The following RIT2 variants were observed in gnomAD, a reference collection of about 807,000 sequenced individuals.
The protein encoded by RIT2 is GTP-binding protein Rit2.
A neutral mutation model predicts 23.7 loss-of-function variants in RIT2; 24 were observed. The ratio of observed to expected loss-of-function variants is 1.01; its 90% CI spans 0.73 to 1.43. The LOEUF is 1.43. Ranked by LOEUF, RIT2 falls within the 40% of genes most tolerant of loss-of-function variation. The pLI is 0.00. For synonymous variants in RIT2, 107 were observed against 91.1 expected (o/e 1.17, Z -0.99); for missense variants, 236 against 266.9 (o/e 0.88, Z 0.81).
intron 4 of RIT2, among the ~76,000 whole-genome samples, chr18:42,775,520 C>T (rs1472671323): frequency 3.3e-5 from 5 of 151,922 alleles, no homozygotes. Flanking sequence ...CATGGTGAAG[C>T]CCCGTCTCTA....
At position 43,085,249 on chromosome 18, in the gene RIT2, G is replaced by A. The variant is rs1913255022; in HGVS notation, c.103+30168C>T. On this transcript the variant is annotated intron_variant, in intron 1 of 4. Transcript: ENST00000326695. Reference sequence around the variant, plus strand: ...AAATAATAATTGTATATCTTTGTGGGGTACAATGTGATATTTTTATCTATG... The same window carrying A: ...AAATAATAATTGTATATCTTTGTGGAGTACAATGTGATATTTTTATCTATG... Among the ~76,000 whole-genome samples the A allele has an allele frequency of 4.6e-5, 7 of 151,584 alleles. No individual in the cohort carries two copies. The South Asian group carries it at 1.5e-3, about 32-fold the overall frequency.
At chr18:42,745,555 G>A (rs1415394568) in intron 4 of RIT2, among the ~76,000 whole-genome samples, 1 of 152,002 alleles carries the variant, frequency 6.6e-6, no homozygotes, top group Non-Finnish European at 1.5e-5. Flanking sequence ...AAACATGTCT[G>A]GATTATCTCT....
chr18:43,106,408 A>G (rs1913823746), intron 1 of RIT2, among the ~76,000 whole-genome samples: 1 of 152,234 alleles, frequency 6.6e-6, no homozygotes, highest in Non-Finnish European at 1.5e-5. Flanking sequence ...TTTCACATAT[A>G]CAAGAAATCT....
At chr18:42,891,878 T>C (rs950991530) in intron 4 of RIT2, among the ~76,000 whole-genome samples, 12 of 152,136 alleles carry the variant, frequency 7.9e-5, no homozygotes, top group Admixed American at 6.6e-4. Context: ...AATCCAATTA[T>C]AGGACATGGG....
intron 4 of RIT2, among the ~76,000 whole-genome samples, chr18:42,759,934 C>T (rs1412190711): frequency 1.3e-5 from 2 of 151,980 alleles, no homozygotes; most frequent in African/African-American, 4.8e-5. Flanking sequence ...TGTGCCACCA[C>T]GCATAGCAAA....
In RIT2 at chr18:43,086,005, A is replaced by T. The variant is rs137869880; in HGVS notation, c.103+29412T>A. ...CCATGTGGAATTGTGAGTCCATTAA[A>T]CCTCTTTTCCTTTATAAATTACCCA... On this transcript the variant is annotated intron_variant, in intron 1 of 4. Transcript: ENST00000326695. Among the ~76,000 whole-genome samples the T allele has an allele frequency of 4.4e-3, 662 of 151,926 alleles. 6 individuals carry two copies. Among genetic ancestry groups the T allele is most frequent in the African/African-American group, 0.014 (576 of 41,418 alleles).
At chr18:42,795,083 C>T (rs1914126897) in intron 4 of RIT2, among the ~76,000 whole-genome samples, 1 of 152,224 alleles carries the variant, frequency 6.6e-6, no homozygotes, top group Non-Finnish European at 1.5e-5. Flanking sequence ...TGACAGTGTG[C>T]TGGCAGTCCT....
Position 43,071,613 on chromosome 18 carries a change from TA to T in RIT2, c.104-37747del, listed in dbSNP as rs575054699. Among the ~76,000 whole-genome samples, 537 of 152,328 alleles carry T rather than the reference TA, an allele frequency of 3.5e-3. 3 individuals carry two copies. The highest frequency in any genetic ancestry group is 0.011 in the African/African-American group (453 of 41,574). On this transcript the variant is annotated intron_variant, in intron 1 of 4. Transcript: ENST00000326695. ...TTGTACAGATATCTCAAGGTGTTGT[TA>T]ATGATTATCAATACTTTAAAATTAC...
intron 2 of RIT2, among the ~76,000 whole-genome samples, chr18:42,988,923 T>C (rs1007736256): frequency 3.9e-5 from 6 of 152,156 alleles, no homozygotes; most frequent in Non-Finnish European, 7.3e-5. Context: ...TGAAGAGTAA[T>C]GCATGCATGG....
At chr18:43,082,917 A>G (rs2144349924) in intron 1 of RIT2, among the ~76,000 whole-genome samples, 1 of 152,244 alleles carries the variant, frequency 6.6e-6, no homozygotes, top group East Asian at 1.9e-4. Flanking sequence ...GAGTATTCAG[A>G]TAGGAAGAGA....
At position 42,743,491 on chromosome 18, in the gene RIT2, TATC is replaced by T. The variant is rs1912840800; in HGVS notation, c.653_*1del. 6 of 1,604,078 alleles carry T rather than the reference TATC, an allele frequency of 3.7e-6. No individual in the cohort carries two copies. The highest frequency in any genetic ancestry group is 4.5e-5 in the East Asian group (2 of 44,764). On this transcript the variant is annotated stop_lost and 3_prime_UTR_variant, in exon 5 of 5. Coordinates refer to ENST00000326695, the MANE Select transcript of RIT2 (RefSeq NM_002930.4). ...AGCGTGAGGAACTCAAAAGCAAAGA[TATC>T]ATGTCATATTTTCTCTCTTCTTCTT...
chr18:42,763,537 T>A (rs1426321507), intron 4 of RIT2, among the ~76,000 whole-genome samples: 3 of 151,834 alleles, frequency 2.0e-5, no homozygotes, highest in African/African-American at 7.3e-5. Context: ...GTTGCTCCCA[T>A]GAGTCAGTGA....
chr18:43,011,370 G>A (rs139344916), intron 2 of RIT2, among the ~76,000 whole-genome samples: 1,714 of 151,936 alleles, frequency 0.011, 16 homozygotes, highest in Non-Finnish European at 0.019. Flanking sequence ...GCAAAGGAGA[G>A]AGATGTCCTC....
chr18:42,859,255 G>A (rs1029282366), intron 4 of RIT2, among the ~76,000 whole-genome samples: 2 of 152,154 alleles, frequency 1.3e-5, no homozygotes, highest in African/African-American at 2.4e-5. Flanking sequence ...ATTAGTGGGT[G>A]TGAACTGATG....
Position 42,992,486 on chromosome 18 carries a change from G to A in RIT2, c.161-18339C>T, listed in dbSNP as rs545675072. ...TGTCCCCTCAGTCCCAACCCCAAGC[G>A]TTGCTGAGTCTTTCTAACCTTCCTT... On this transcript the variant is annotated intron_variant, in intron 2 of 4. Coordinates refer to ENST00000326695, the MANE Select transcript of RIT2 (RefSeq NM_002930.4). Among the ~76,000 whole-genome samples the A allele has an allele frequency of 5.3e-5, 8 of 152,016 alleles. No homozygotes were observed. In the East Asian group the frequency reaches 5.8e-4, roughly 11 times the overall value.
chr18:42,859,759 A>G (rs1907277406), intron 4 of RIT2, among the ~76,000 whole-genome samples: 1 of 151,638 alleles, frequency 6.6e-6, no homozygotes, highest in Non-Finnish European at 1.5e-5. Flanking sequence ...GAGATATTTA[A>G]CAGTAGTTCA....
Position 42,795,855 on chromosome 18 carries a change from A to T in RIT2, c.427-52135T>A, listed in dbSNP as rs1190411134. ...ACCAATCGACACTCTGTATCTAGCT[A>T]CTCTGGTGGGGCCTTGGAGGACCTT... is the stretch of plus-strand genomic sequence containing the variant. On this transcript the variant is annotated intron_variant, in intron 4 of 4. Transcript: ENST00000326695. Among the ~76,000 whole-genome samples the T allele has an allele frequency of 3.3e-5, 5 of 151,318 alleles. No homozygotes were observed. In the East Asian group the frequency reaches 5.8e-4, roughly 18 times the overall value.
chr18:42,858,458 CAGA>C (rs1379400135), intron 4 of RIT2, among the ~76,000 whole-genome samples: 2 of 152,166 alleles, frequency 1.3e-5, no homozygotes, highest in East Asian at 3.9e-4. Context: ...GAGAAACCCA[CAGA>C]AGTAGACAGT....
At chr18:42,799,948 G>T in intron 4 of RIT2, among the ~76,000 whole-genome samples, 1 of 151,320 alleles carries the variant, frequency 6.6e-6, no homozygotes. Flanking sequence ...ATTATAATTG[G>T]AATTTAAATA....
Sources: allele counts gnomAD v4.1 joint callset (sites outside exome capture counted in the v4.1 genomes callset), GRCh38; gene constraint gnomAD v4.1.1; transcripts MANE v1.5; gene names NCBI Gene and HGNC (gene_info 2026-07-23, HGNC 2026-07-21).